The following NBEAL2 variants were observed in gnomAD, a reference collection of about 807,000 sequenced individuals.
NBEAL2 encodes neurobeachin-like protein 2.
NBEAL2 carries 160 observed loss-of-function variants against 299.8 expected under a neutral mutation model. The observed-to-expected ratio is 0.53, with a 90% CI of 0.47 to 0.61. The LOEUF is 0.61. NBEAL2 is among the 20% of genes least tolerant of loss of function. NBEAL2 has a pLI of 0.00. For missense variants in NBEAL2, 3,112 were observed against 3,649.0 expected (o/e 0.85, Z 3.79); for synonymous variants, 1,493 against 1,542.3 (o/e 0.97, Z 0.75).
Position 46,991,417 on chromosome 3 carries a change from G to C in NBEAL2, c.654G>C (p.Gln218His). 1 of 1,606,234 alleles carries C rather than the reference G, an allele frequency of 6.2e-7. No homozygotes were observed. The change falls in exon 8 of 54, where the codon CAG becomes CAC. Residue 218 changes from glutamine to histidine, a missense_variant. Coordinates refer to ENST00000450053, the MANE Select transcript of NBEAL2 (RefSeq NM_015175.3). The surrounding 1 kb of genome is among the most constrained non-coding windows in gnomAD (Gnocchi z 6.2). ...GTCCACACCTGCAGGAGAACGGGCA[G>C]ATGGCTGTAAGTGATGGCTCTGTGA... is the stretch of plus-strand genomic sequence containing the variant. ...AVLAGGKENG[Q>H]MAVSDGSVKG...
rs577894686 is a variant in NBEAL2, at chr3:47,003,289, G to A, written c.5700G>A (p.Glu1900=). The A allele has an allele frequency of 1.2e-6, 2 of 1,612,756 alleles. No homozygotes were observed. The highest frequency in any genetic ancestry group is 1.1e-5 in the South Asian group (1 of 91,062). The change falls in exon 35 of 54, where the codon GAG becomes GAA. Residue 1900 remains glutamate (E), a synonymous_variant. Coordinates refer to ENST00000450053, the MANE Select transcript of NBEAL2 (RefSeq NM_015175.3). The surrounding 1 kb of genome is among the most constrained non-coding windows in gnomAD (Gnocchi z 7.0). ...AGGAGGACCAGCTCGGCGAGGACGA[G>A]CTGGCTGAGCTGGAGACCCCGTGAG... is the stretch of plus-strand genomic sequence containing the variant. ...LLQEDQLGED[E]LAELETPMEA...
chr3:46,980,198 A>G (rs1398210269), intron 1 of NBEAL2, among the ~76,000 whole-genome samples: 1 of 152,108 alleles, frequency 6.6e-6, no homozygotes, highest in African/African-American at 2.4e-5. Context: ...GCTAGAGGAG[A>G]GTGGCCTGGG....
At position 47,003,042 on chromosome 3, in the gene NBEAL2, G is replaced by A. The variant is rs369215608; in HGVS notation, c.5545G>A (p.Asp1849Asn). 5.6e-5 allele frequency: 91 copies of A among 1,612,746 alleles called. 1 individual carries two copies. Among genetic ancestry groups the A allele is most frequent in the African/African-American group, 1.3e-5 (1 of 74,886 alleles). The change falls in exon 34 of 54, where the codon GAC becomes AAC. Residue 1849 changes from aspartate (D) to asparagine (N), a missense_variant. Around this residue, in one of 3 missense-constraint regions of NBEAL2, gnomAD observed 2,243 missense variants for 2,538.1 expected, o/e 0.88. Transcript: ENST00000450053. The surrounding 1 kb of genome is among the most constrained non-coding windows in gnomAD (Gnocchi z 7.0). ...RLKLVPNHHFDPHLEASALRD... is the reference protein window; with the variant it reads ...RLKLVPNHHFNPHLEASALRD... ...GAAGCTGGTGCCCAACCATCACTTCGACCCTCACCTGGAAGCCAGCGCTCT... is the reference window on the plus strand; with the variant it reads ...GAAGCTGGTGCCCAACCATCACTTCAACCCTCACCTGGAAGCCAGCGCTCT...
In NBEAL2 at chr3:46,982,685, C is replaced by T. The variant is rs1224646251; in HGVS notation, c.51+2773C>T. On this transcript the variant is annotated intron_variant, in intron 1 of 53. Coordinates refer to ENST00000450053, the MANE Select transcript of NBEAL2 (RefSeq NM_015175.3). This position sits in a 1 kb window ranked among gnomAD's most constrained non-coding sequence, Gnocchi z 4.2. The stretch of plus-strand genomic sequence containing the variant: ...AGGAGGTGGGTCCCATGGCAGTGAC[C>T]AGTCAGGAAGTCACCCCAGAGGAGG... Among the ~76,000 whole-genome samples the T allele has an allele frequency of 6.6e-6, 1 of 152,172 alleles. No homozygotes were observed. The highest frequency in any genetic ancestry group is 1.5e-5 in the Non-Finnish European group (1 of 68,026).
At position 47,003,864 on chromosome 3, in the gene NBEAL2, G is replaced by C. The variant is rs200100160; in HGVS notation, c.5769G>C (p.Ser1923=). Residue 1923 remains serine (S), a synonymous_variant, in exon 36 of 54, where the codon TCG becomes TCC. Coordinates refer to ENST00000450053, the MANE Select transcript of NBEAL2 (RefSeq NM_015175.3). This position sits in a 1 kb window ranked among gnomAD's most constrained non-coding sequence, Gnocchi z 7.0. ...AGCAGCGTGAGAAGCTGGTGCTGTC[G>C]GCCGAGTGCCAGCTGGTGACGGTAG... is the stretch of plus-strand genomic sequence containing the variant. The part of the protein sequence containing the change: ...LDEQREKLVL[S]AECQLVTVVA... 3 of 1,613,088 alleles carry C rather than the reference G, an allele frequency of 1.9e-6. No individual in the cohort carries two copies. Among genetic ancestry groups the C allele is most frequent in the Non-Finnish European group, 2.5e-6 (3 of 1,179,526 alleles).
rs193137888 is a variant in NBEAL2, at chr3:46,997,750, G to A, written c.2958+56G>A. 3.6e-5 allele frequency: 51 copies of A among 1,435,020 alleles called. 1 individual carries two copies. The highest frequency in any genetic ancestry group is 2.6e-4 in the Middle Eastern group (1 of 3,908). The allele number at this position is 1,435,020 out of a possible 1,614,324, so 88.9% of individuals were successfully genotyped here. On this transcript the variant is annotated intron_variant, in intron 20 of 53. Transcript: ENST00000450053. ...AGGGGTATGGTCAGCCTGTCTGACC[G>A]AGGGGACTGAGTGGGGAACCCTGTC...
Position 46,999,288 on chromosome 3 carries a change from G to A in NBEAL2, c.3544-27G>A, listed in dbSNP as rs376603854. 8.8e-6 allele frequency: 14 copies of A among 1,583,386 alleles called. No homozygotes were observed. The African/African-American group carries it at 1.3e-4, about 15-fold the overall frequency. On this transcript the variant is annotated intron_variant, in intron 24 of 53. Coordinates refer to ENST00000450053, the MANE Select transcript of NBEAL2 (RefSeq NM_015175.3). ...CCTACAGTAACTCCTTCCACATGAT[G>A]ACAGTCCTCCGATGACCCCCACACA...
rs1285997355 is a variant in NBEAL2 at position 46,988,685 on chromosome 3, T to C, written c.68T>C (p.Leu23Pro). The change falls in exon 2 of 54, where the codon CTG (leucine) becomes CCG (proline). Residue 23 changes from leucine (L) to proline (P), a missense_variant. This residue lies in a region of NBEAL2 where 2,243 missense variants were observed against 2,538.1 expected (regional missense o/e 0.88). Transcript: ENST00000450053. This position sits in a 1 kb window ranked among gnomAD's most constrained non-coding sequence, Gnocchi z 4.4. The part of the protein sequence containing the change: ...LYYAQKDLGY[L>P]QQWLKAFVGA... ...TGCCTACAGAAGGACCTGGGTTACC[T>C]GCAGCAGTGGCTGAAGGCCTTTGTA... is the stretch of plus-strand genomic sequence containing the variant. The C allele has an allele frequency of 1.2e-6, 2 of 1,613,902 alleles. No homozygotes were observed. The highest frequency in any genetic ancestry group is 1.7e-6 in the Non-Finnish European group (2 of 1,179,820).
chr3:46,998,802 C>T lies in NBEAL2; in HGVS notation c.3307C>T (p.Arg1103Trp), dbSNP rs781143230. 17 of 1,566,468 alleles carry T rather than the reference C, an allele frequency of 1.1e-5. 1 individual carries two copies. The highest frequency in any genetic ancestry group is 4.7e-5 in the South Asian group (4 of 85,222). The change falls in exon 23 of 54, where the codon CGG becomes TGG. Residue 1103 changes from arginine to tryptophan, a missense_variant. Transcript: ENST00000450053. ...GGGCCTGGCGAGGGAGTTCCTGGTG[C>T]GGAGTCTCTCAGCAGATGACGTGCA... ...LLGLAREFLV[R>W]SLSADDVQVT... is the part of the protein sequence containing the mutation.
chr3:46,997,610 G>T lies in NBEAL2; in HGVS notation c.2874G>T (p.Arg958=), dbSNP rs775135851. The change falls in exon 20 of 54, where the codon CGG becomes CGT. Residue 958 remains arginine, a synonymous_variant. Coordinates refer to ENST00000450053, the MANE Select transcript of NBEAL2 (RefSeq NM_015175.3). ...TGGCTGCTTTTCTGCTGATGCTGCG[G>T]AACTTCCTTCAGGGTCACATGGTGA... ...NAVAAFLLML[R]NFLQGHMVNQ... is the part of the protein sequence containing the mutation. 1 of 1,600,742 alleles carries T rather than the reference G, an allele frequency of 6.2e-7. No individual in the cohort carries two copies. The highest frequency in any genetic ancestry group is 1.1e-5 in the South Asian group (1 of 90,378).
intron 1 of NBEAL2, among the ~76,000 whole-genome samples, 190 bp downstream of exon 1, chr3:46,980,102 C>T (rs2035212917): frequency 6.6e-6 from 1 of 152,124 alleles, no homozygotes; most frequent in Non-Finnish European, 1.5e-5. Context: ...GCCTCTGGCA[C>T]TTATGCCTTG....
chr3:47,005,929 T>C lies in NBEAL2; in HGVS notation c.6802-17T>C, dbSNP rs761526043. 3.1e-6 allele frequency: 5 copies of C among 1,613,122 alleles called. No homozygotes were observed. The highest frequency in any genetic ancestry group is 4.2e-6 in the Non-Finnish European group (5 of 1,179,552). On this transcript the variant is annotated splice_polypyrimidine_tract_variant and intron_variant, in intron 42 of 53. Transcript: ENST00000450053. ...GGTCAGCTGTCCCTGCACTGATTGCTGCCTCCCTACTCTCAGGAGTCGGAG... is the reference window on the plus strand; with the variant it reads ...GGTCAGCTGTCCCTGCACTGATTGCCGCCTCCCTACTCTCAGGAGTCGGAG...
Position 47,003,952 on chromosome 3 carries a change from A to G in NBEAL2, c.5857A>G (p.Thr1953Ala), listed in dbSNP as rs1381234659. 1 of 1,613,560 alleles carries G rather than the reference A, an allele frequency of 6.2e-7. No homozygotes were observed. Among genetic ancestry groups the G allele is most frequent in the South Asian group, 1.1e-5 (1 of 91,070 alleles). ...TQNVYFYDGSTERVETEEGIG... is the reference protein window; with the variant it reads ...TQNVYFYDGSAERVETEEGIG... ...GAATGTATACTTCTACGATGGCAGC[A>G]CTGAGCGCGTGGAAACCGAGGAGGG... The change falls in exon 36 of 54, where the codon ACT becomes GCT. Residue 1953 changes from threonine (T) to alanine (A), a missense_variant. This residue lies in a region of NBEAL2 where 521 missense variants were observed against 729.6 expected (regional missense o/e 0.71). Transcript: ENST00000450053. This position sits in a 1 kb window ranked among gnomAD's most constrained non-coding sequence, Gnocchi z 7.0.
In NBEAL2 at chr3:46,996,315, G is replaced by A. The variant is rs201880318; in HGVS notation, c.2196G>A (p.Thr732=). The stretch of plus-strand genomic sequence containing the variant: ...TCGGCTCCGCTGGATACCGCACAAC[G>A]ACCACCACCACAGGGCTGCCCACAC... ...CCIGSAGYRT[T]TTTTGLPTPP... is the part of the protein sequence containing the mutation. Residue 732 remains threonine (T), a synonymous_variant, in exon 16 of 54, where the codon ACG becomes ACA. Coordinates refer to ENST00000450053, the MANE Select transcript of NBEAL2 (RefSeq NM_015175.3). 1,049 of 1,610,476 alleles carry A rather than the reference G, an allele frequency of 6.5e-4. 7 individuals carry two copies. The African/African-American group carries it at 0.013, about 20-fold the overall frequency.
chr3:47,005,522 G>A lies in NBEAL2; in HGVS notation c.6594G>A (p.Val2198=), dbSNP rs1429180616. The change falls in exon 41 of 54, where the codon GTG becomes GTA. Residue 2198 remains valine (V), a synonymous_variant. Coordinates refer to ENST00000450053, the MANE Select transcript of NBEAL2 (RefSeq NM_015175.3). ...GCTCCGACCGGCAGTTCCACTCGGT[G>A]GCGGCAGCCTGGCAGGCACGCCTGG... ...FDCSDRQFHS[V]AAAWQARLES... is the part of the protein sequence containing the mutation. 2 of 1,611,264 alleles carry A rather than the reference G, an allele frequency of 1.2e-6. No individual in the cohort carries two copies. Among genetic ancestry groups the A allele is most frequent in the Non-Finnish European group, 1.7e-6 (2 of 1,179,200 alleles).
At chr3:46,987,957 C>T in intron 1 of NBEAL2, 2 of 1,266,470 alleles carry the variant, frequency 1.6e-6, no homozygotes, top group East Asian at 6.1e-5. Flanking sequence ...CTTCCTGCCC[C>T]AGCCCCGGGG....
rs2037369548 is a variant in NBEAL2 at position 47,005,542 on chromosome 3, G to A, written c.6614G>A (p.Arg2205His). ...FHSVAAAWQA[R>H]LESPADVKEL... ...TCGGTGGCGGCAGCCTGGCAGGCAC[G>A]CCTGGAGAGCCCTGCCGATGTGAAG... Residue 2205 changes from arginine (R) to histidine (H), a missense_variant, in exon 41 of 54, where the codon CGC (arginine) becomes CAC (histidine). Physicochemically the swap from Arg to His is conservative, Grantham distance 29. This residue lies in a region of NBEAL2 where 521 missense variants were observed against 729.6 expected (regional missense o/e 0.71). Transcript: ENST00000450053. The A allele has an allele frequency of 6.2e-7, 1 of 1,611,114 alleles. No homozygotes were observed. The highest frequency in any genetic ancestry group is 2.2e-5 in the East Asian group (1 of 44,802).
rs1023617651 is a variant in NBEAL2 at position 46,979,834 on chromosome 3, C to A, written c.-28C>A. On this transcript the variant is annotated 5_prime_UTR_variant, in exon 1 of 54. Transcript: ENST00000450053. The stretch of plus-strand genomic sequence containing the variant: ...GCGGAGGAGGCGGCGACAGGTGGCG[C>A]GCAGCAGGGCCGGAGCCGGGCCGGG... 1 of 419,728 alleles carries A rather than the reference C, an allele frequency of 2.4e-6. No individual in the cohort carries two copies. The highest frequency in any genetic ancestry group is 6.3e-5 in the South Asian group (1 of 15,866). The allele number at this position is 419,728 out of a possible 1,614,324, so 26.0% of individuals were successfully genotyped here. A position where few individuals can be genotyped will look rare whatever the true frequency, so the allele number is the denominator to read the frequency against.
Position 46,998,171 on chromosome 3 carries a change from G to T in NBEAL2, c.3063G>T (p.Gln1021His). 1.2e-6 allele frequency: 2 copies of T among 1,608,388 alleles called. No individual in the cohort carries two copies. Among genetic ancestry groups the T allele is most frequent in the Non-Finnish European group, 1.7e-6 (2 of 1,177,536 alleles). ...GGCCCCTCCTGTACCTACTCTACCAGCATTTGCTCTTCAACTTTCACCTCT... is the reference window on the plus strand; with the variant it reads ...GGCCCCTCCTGTACCTACTCTACCATCATTTGCTCTTCAACTTTCACCTCT... ...GSGPLLYLLY[Q>H]HLLFNFHLWT... Residue 1021 changes from glutamine to histidine, a missense_variant, in exon 21 of 54, where the codon CAG becomes CAT. Around this residue, in one of 3 missense-constraint regions of NBEAL2, gnomAD observed 2,243 missense variants for 2,538.1 expected, o/e 0.88. Coordinates refer to ENST00000450053, the MANE Select transcript of NBEAL2 (RefSeq NM_015175.3).
Sources: gnomAD v4.1 joint callset for allele counts (sites outside exome capture counted in the v4.1 genomes callset) on GRCh38, gnomAD v4.1.1 for gene constraint, gnomAD v4.1.1 regional missense constraint, Gnocchi (gnomAD v3.1) non-coding constraint, MANE v1.5 for transcripts, NCBI Gene and HGNC (gene_info 2026-07-23, HGNC 2026-07-21) for gene names.